EPHA5: variants seen among roughly 807,000 people sequenced by gnomAD.
EPHA5 encodes the protein ephrin type-A receptor 5.
In EPHA5, 60 loss-of-function variants were observed where a neutral mutation model predicts 105.0. That is an observed-to-expected ratio of 0.57 (90% confidence interval 0.46 to 0.71). EPHA5 has a LOEUF of 0.71. Ranked by LOEUF, EPHA5 falls within the 30% of genes least tolerant of loss-of-function variation. The pLI, the probability that EPHA5 is intolerant of heterozygous loss-of-function variation, is 0.00. For synonymous variants in EPHA5, 513 were observed against 449.1 expected, an observed-to-expected ratio of 1.14 and a Z score of -1.80; for missense variants, 1,218 against 1,274.7, an observed-to-expected ratio of 0.96 and a Z score of 0.68.
intron 13 of EPHA5, among the ~76,000 whole-genome samples, chr4:65,348,731 G>GTA (rs1182608098): frequency 3.6e-5 from 4 of 112,436 alleles, no homozygotes; most frequent in South Asian, 3.1e-4. Flanking sequence ...ATATGTGTGT[G>GTA]TATATATATG....
rs182615156 is a variant in EPHA5 at position 65,616,661 on chromosome 4, C to T, written c.247-14357G>A. Among the ~76,000 whole-genome samples, 24 of 151,974 alleles carry T rather than the reference C, an allele frequency of 1.6e-4. No homozygotes were observed. In the East Asian group the frequency reaches 4.4e-3, roughly 28 times the overall value. On this transcript the variant is annotated intron_variant, in intron 2 of 16. Coordinates refer to ENST00000613740, the MANE Select transcript of EPHA5 (RefSeq NM_001281766.3). ...AAAGAGTATGGGAAAACAGTCATTC[C>T]GAGGCAGACTAATGAATGGAGTAAA... is the stretch of plus-strand genomic sequence containing the variant.
chr4:65,584,226 C>A (rs964927778), intron 3 of EPHA5, among the ~76,000 whole-genome samples: 1 of 151,684 alleles, frequency 6.6e-6, no homozygotes, highest in Non-Finnish European at 1.5e-5. Flanking sequence ...TCATCAATTT[C>A]TTCAAAATAT....
intron 3 of EPHA5, among the ~76,000 whole-genome samples, chr4:65,547,338 C>A (rs886845900): frequency 1.3e-5 from 2 of 150,402 alleles, no homozygotes; most frequent in Admixed American, 6.7e-5. Context: ...GACTTTACTG[C>A]TATCACTCTT....
intron 3 of EPHA5, among the ~76,000 whole-genome samples, chr4:65,501,308 A>T (rs909490604): frequency 1.6e-4 from 25 of 151,542 alleles, no homozygotes; most frequent in African/African-American, 4.6e-4. Flanking sequence ...TAGGAAAAGA[A>T]GTCAAACTAC....
At chr4:65,595,705 C>T (rs900665658) in intron 3 of EPHA5, among the ~76,000 whole-genome samples, 8 of 151,818 alleles carry the variant, frequency 5.3e-5, no homozygotes, top group East Asian at 1.9e-4. Context: ...CTCAACCTCC[C>T]GAGTAGCTGG....
intron 11 of EPHA5, among the ~76,000 whole-genome samples, chr4:65,353,665 C>T (rs1723040466): frequency 6.6e-6 from 1 of 151,570 alleles, no homozygotes; most frequent in African/African-American, 2.4e-5. Context: ...ACACTTGGAA[C>T]ATATTCATCT....
At chr4:65,378,455 A>G (rs985443176) in intron 8 of EPHA5, among the ~76,000 whole-genome samples, 4 of 151,946 alleles carry the variant, frequency 2.6e-5, no homozygotes, top group Non-Finnish European at 5.9e-5. Context: ...AATGTCTCCA[A>G]CAATTACTAA....
intron 1 of EPHA5, among the ~76,000 whole-genome samples, chr4:65,665,609 G>A (rs1319372545): frequency 6.6e-6 from 1 of 152,050 alleles, no homozygotes; most frequent in Non-Finnish European, 1.5e-5. Flanking sequence ...AGAGCCAACA[G>A]TATTTCCAGA....
At chr4:65,539,178 C>T (rs1027121543) in intron 3 of EPHA5, among the ~76,000 whole-genome samples, 3 of 151,532 alleles carry the variant, frequency 2.0e-5, no homozygotes, top group Non-Finnish European at 4.4e-5. Context: ...TTTCCGAAAA[C>T]AAACTGACTG....
chr4:65,428,740 G>A (rs575220688), intron 5 of EPHA5, among the ~76,000 whole-genome samples: 10 of 152,084 alleles, frequency 6.6e-5, no homozygotes, highest in South Asian at 6.2e-4. Context: ...AGCAGGAAAC[G>A]AAAGTAACTT....
chr4:65,491,421 A>G (rs989723155), intron 4 of EPHA5, among the ~76,000 whole-genome samples: 1 of 152,084 alleles, frequency 6.6e-6, no homozygotes, highest in Non-Finnish European at 1.5e-5. Flanking sequence ...ATAACCCTGA[A>G]AAGGACTACA....
Position 65,534,379 on chromosome 4 carries a change from G to A in EPHA5, c.911-38836C>T, listed in dbSNP as rs368067014. 7.9e-4 allele frequency among the ~76,000 whole-genome samples: 120 copies of A among 152,294 alleles called. 2 individuals are homozygous for A. The highest frequency in any genetic ancestry group is 3.4e-3 in the Middle Eastern group (1 of 294). The stretch of plus-strand genomic sequence containing the variant: ...ACAAATAAATTAAGAATATGTGGGA[G>A]AAGTTGTTTACATAATGTTAATTTA... On this transcript the variant is annotated intron_variant, in intron 3 of 16. Transcript: ENST00000613740.
At chr4:65,505,987 C>T (rs1024675935) in intron 3 of EPHA5, among the ~76,000 whole-genome samples, 1 of 152,118 alleles carries the variant, frequency 6.6e-6, no homozygotes, top group African/African-American at 2.4e-5. Context: ...TCTCCGAATG[C>T]TATCCCTCCC....
chr4:65,476,864 A>G (rs1729871030), intron 5 of EPHA5, among the ~76,000 whole-genome samples: 1 of 152,216 alleles, frequency 6.6e-6, no homozygotes, highest in Non-Finnish European at 1.5e-5. Flanking sequence ...CAATTAGTGT[A>G]CTATGTCTGG....
At chr4:65,425,412 G>C (rs1471285922) in intron 5 of EPHA5, among the ~76,000 whole-genome samples, 1 of 151,946 alleles carries the variant, frequency 6.6e-6, no homozygotes, top group Non-Finnish European at 1.5e-5. Context: ...TATTAATGAA[G>C]CATGTCTAGG....
intron 3 of EPHA5, among the ~76,000 whole-genome samples, chr4:65,534,155 C>A (rs1396401923): frequency 6.6e-6 from 1 of 152,096 alleles, no homozygotes; most frequent in Non-Finnish European, 1.5e-5. Flanking sequence ...AACTGTGGAT[C>A]ATACTTTTCA....
intron 3 of EPHA5, among the ~76,000 whole-genome samples, chr4:65,540,396 T>A (rs1347634661): frequency 6.6e-6 from 1 of 151,484 alleles, no homozygotes; most frequent in Non-Finnish European, 1.5e-5. Context: ...GCAACCATTT[T>A]TTTTTCCCTC....
At chr4:65,376,886 G>T in intron 8 of EPHA5, 1 of 860,206 alleles carries the variant, frequency 1.2e-6, no homozygotes, top group East Asian at 2.9e-5. Flanking sequence ...TCACCTTGGG[G>T]AGCCAGTTTT....
At chr4:65,626,501 TATTTA>T (rs1387231970) in intron 2 of EPHA5, among the ~76,000 whole-genome samples, 1 of 152,232 alleles carries the variant, frequency 6.6e-6, no homozygotes, top group African/African-American at 2.4e-5. Context: ...CTGCTTCACG[TATTTA>T]ATTCTACAAT....
Sources: gnomAD v4.1 joint callset for allele counts (sites outside exome capture counted in the v4.1 genomes callset) on GRCh38, gnomAD v4.1.1 for gene constraint, MANE v1.5 for transcripts, NCBI Gene and HGNC (gene_info 2026-07-23, HGNC 2026-07-21) for gene names.